Variants in AKT3 observed in about 807,000 individuals in gnomAD.
AKT3 encodes the protein RAC-gamma serine/threonine-protein kinase.
Under a neutral mutation model 65.3 loss-of-function variants are expected in AKT3, and 15 were observed. The ratio of observed to expected loss-of-function variants is 0.23; its 90% CI spans 0.15 to 0.35. AKT3 has a LOEUF of 0.35. Ranked by LOEUF, AKT3 falls within the 10% of genes least tolerant of loss-of-function variation. The probability of loss-of-function intolerance (pLI) is 1.00; values close to 1 mark genes in which losing one functional copy is unlikely to be tolerated. For missense variants in AKT3, 243 were observed against 576.5 expected (o/e 0.42, Z 5.92); for synonymous variants, 206 against 183.8 (o/e 1.12, Z -0.98).
At chr1:243,809,551 C>T (rs1572387697) in intron 2 of AKT3, among the ~76,000 whole-genome samples, 1 of 152,204 alleles carries the variant, frequency 6.6e-6, no homozygotes, top group Admixed American at 6.5e-5. Context: ...TAGAGACCTA[C>T]AAAGAGACTT....
intron 2 of AKT3, among the ~76,000 whole-genome samples, chr1:243,784,237 G>GC (rs774306819): frequency 2.0e-5 from 3 of 152,042 alleles, no homozygotes; most frequent in African/African-American, 7.2e-5. Flanking sequence ...AGGAGACCAG[G>GC]CAAGTGCAGA....
chr1:243,511,469 T>C (rs981368464), intron 13 of AKT3, among the ~76,000 whole-genome samples: 2 of 151,834 alleles, frequency 1.3e-5, no homozygotes, highest in South Asian at 2.1e-4. Context: ...GCACTATGGA[T>C]AAATCTGCCT....
At chr1:243,657,894 T>C (rs569792891) in intron 4 of AKT3, among the ~76,000 whole-genome samples, 6 of 152,192 alleles carry the variant, frequency 3.9e-5, no homozygotes, top group African/African-American at 1.4e-4. Flanking sequence ...AATGTGGAAA[T>C]ATAATGCTGC....
intron 8 of AKT3, among the ~76,000 whole-genome samples, chr1:243,598,852 G>C (rs1328846333): frequency 6.6e-6 from 1 of 152,072 alleles, no homozygotes; most frequent in African/African-American, 2.4e-5. Flanking sequence ...TCTCCTTCTA[G>C]AAATCATGAC....
chr1:243,561,783 A>C (rs780120633), intron 10 of AKT3, among the ~76,000 whole-genome samples: 5 of 152,188 alleles, frequency 3.3e-5, no homozygotes, highest in Admixed American at 1.3e-4. Flanking sequence ...TGCAACAGGT[A>C]CCATCACTTT....
chr1:243,638,586 A>C (rs1442757901), intron 5 of AKT3, among the ~76,000 whole-genome samples: 2 of 151,960 alleles, frequency 1.3e-5, no homozygotes, highest in Non-Finnish European at 2.9e-5. Flanking sequence ...AAATTCCTTT[A>C]CTTTCATATT....
chr1:243,489,113 G>T lies in AKT3; in HGVS notation c.*7-663C>A, dbSNP rs1239787306. On this transcript the variant is annotated intron_variant, in intron 13 of 13. Transcript: ENST00000336199. ...TTCTCCTGGAGAGGCAGAGCCTGTCGGAAGAGGTGGACCGGCTGCGGACCC... is the reference window on the plus strand; with the variant it reads ...TTCTCCTGGAGAGGCAGAGCCTGTCTGAAGAGGTGGACCGGCTGCGGACCC... 6.2e-7 allele frequency: 1 copy of T among 1,612,794 alleles called. No individual in the cohort carries two copies. Among genetic ancestry groups the T allele is most frequent in the African/African-American group, 1.3e-5 (1 of 74,924 alleles).
chr1:243,824,660 A>G lies in AKT3; in HGVS notation c.46+18465T>C, dbSNP rs144015126. 1.8e-4 allele frequency among the ~76,000 whole-genome samples: 27 copies of G among 152,302 alleles called. No individual in the cohort carries two copies. The East Asian group carries it at 4.8e-3, about 27-fold the overall frequency. On this transcript the variant is annotated intron_variant, in intron 2 of 13. Transcript: ENST00000673466. ...AACAAACATGAAAAAAAAAAGCTCA[A>G]TATCACTGATCATTCAAGAAATTCA...
chr1:243,494,510 G>A (rs1343373272), intron 13 of AKT3, among the ~76,000 whole-genome samples: 6 of 152,132 alleles, frequency 3.9e-5, no homozygotes, highest in South Asian at 2.1e-4. Context: ...CGCGACCTTC[G>A]GAGAAACTTC....
chr1:243,511,012 C>T (rs1415874659), intron 13 of AKT3, among the ~76,000 whole-genome samples: 1 of 152,240 alleles, frequency 6.6e-6, no homozygotes, highest in Non-Finnish European at 1.5e-5. Context: ...GAGCTACTTG[C>T]CCATGACTCC....
Position 243,504,221 on chromosome 1 carries a change from T to C in AKT3, c.*1028A>G, listed in dbSNP as rs1049467029. 9.4e-6 allele frequency: 2 copies of C among 212,348 alleles called. No individual in the cohort carries two copies. Among genetic ancestry groups the C allele is most frequent in the African/African-American group, 4.5e-5 (2 of 44,126 alleles). 13.2% of individuals were successfully genotyped at this position (212,348 alleles called of 1,614,324 possible). On this transcript the variant is annotated 3_prime_UTR_variant, in exon 14 of 14. Coordinates refer to ENST00000673466, the MANE Select transcript of AKT3 (RefSeq NM_005465.7). Reference sequence around the variant, plus strand: ...TAACATGACATACAATTCTCATCACTAAAAAATAAATACTACTGCAATATA... The same window carrying C: ...TAACATGACATACAATTCTCATCACCAAAAAATAAATACTACTGCAATATA...
chr1:243,615,790 G>C (rs1246008121), intron 6 of AKT3, among the ~76,000 whole-genome samples: 1 of 151,908 alleles, frequency 6.6e-6, no homozygotes, highest in Non-Finnish European at 1.5e-5. Flanking sequence ...AGAGTACAGT[G>C]GTACAATCAC....
chr1:243,819,073 A>C (rs1028787303), intron 2 of AKT3, among the ~76,000 whole-genome samples: 1 of 152,250 alleles, frequency 6.6e-6, no homozygotes, highest in African/African-American at 2.4e-5. Flanking sequence ...TTGCGTGCCA[A>C]GCGCAGAGCT....
chr1:243,769,641 C>G (rs1054083919), intron 2 of AKT3, among the ~76,000 whole-genome samples: 1 of 152,016 alleles, frequency 6.6e-6, no homozygotes, highest in Non-Finnish European at 1.5e-5. Flanking sequence ...ATTGGGTTGT[C>G]TTTTCATTGT....
chr1:243,565,533 AT>A (rs1312148893), intron 9 of AKT3, among the ~76,000 whole-genome samples: 1 of 152,130 alleles, frequency 6.6e-6, no homozygotes. Context: ...CCAAATTAAA[AT>A]TTTTTATTTT....
In AKT3 at chr1:243,603,894, CT is replaced by C. The variant is rs566682027; in HGVS notation, c.696+9776del. Among the ~76,000 whole-genome samples the C allele has an allele frequency of 5.7e-3, 740 of 129,896 alleles. 1 individual carries two copies. The highest frequency in any genetic ancestry group is 9.2e-3 in the East Asian group (42 of 4,558). 85.2% of individuals were successfully genotyped at this position (129,896 alleles called of 152,430 possible). A position where few individuals can be genotyped will look rare whatever the true frequency, so the allele number is the denominator to read the frequency against. ...TTCTAACACTGCTTCAATTAATAAT[CT>C]TTTTTTTTTTTTTTTTTGAGATGGA... On this transcript the variant is annotated intron_variant, in intron 8 of 13. Transcript: ENST00000673466.
chr1:243,516,388 G>A (rs937896759), intron 12 of AKT3, among the ~76,000 whole-genome samples: 12 of 152,146 alleles, frequency 7.9e-5, no homozygotes, highest in African/African-American at 2.9e-4. Flanking sequence ...TCAGTCAGGT[G>A]AGAAATACAT....
intron 4 of AKT3, among the ~76,000 whole-genome samples, chr1:243,655,487 A>G (rs981996896): frequency 2.0e-5 from 3 of 151,612 alleles, no homozygotes; most frequent in Non-Finnish European, 4.4e-5. Flanking sequence ...CATAGTGTTG[A>G]ATTTTTGTGT....
intron 3 of AKT3, among the ~76,000 whole-genome samples, chr1:243,665,206 C>T (rs1682680743): frequency 6.6e-6 from 1 of 152,180 alleles, no homozygotes. Flanking sequence ...TATCCATATG[C>T]ATCACCTGCA....
Sources: gnomAD v4.1 joint callset for allele counts (sites outside exome capture counted in the v4.1 genomes callset) on GRCh38, gnomAD v4.1.1 for gene constraint, MANE v1.5 for transcripts, NCBI Gene and HGNC (gene_info 2026-07-23, HGNC 2026-07-21) for gene names.